TOPBP1: variants seen among roughly 807,000 people sequenced by gnomAD.
TOPBP1 encodes DNA topoisomerase 2-binding protein 1.
A neutral mutation model predicts 167.7 loss-of-function variants in TOPBP1; 28 were observed. That is an observed-to-expected ratio of 0.17 (90% CI 0.12 to 0.23). The LOEUF (loss-of-function observed/expected upper bound fraction) is 0.23. TOPBP1 is among the 10% of genes least tolerant of loss of function. The pLI is 1.00. For missense variants in TOPBP1, 1,554 were observed against 1,809.6 expected (o/e 0.86, Z 2.56); for synonymous variants, 598 against 611.4 (o/e 0.98, Z 0.32).
At position 133,656,154 on chromosome 3, in the gene TOPBP1, T is replaced by C. The variant is rs367911221; in HGVS notation, c.545+522A>G. ...AGCTCCATGAGGGAAGTGACTATCTTGTTTTGCTTACTACATATACCTAAT... is the reference window on the plus strand; with the variant it reads ...AGCTCCATGAGGGAAGTGACTATCTCGTTTTGCTTACTACATATACCTAAT... On this transcript the variant is annotated intron_variant, in intron 5 of 27. Transcript: ENST00000260810. 2.6e-5 allele frequency among the ~76,000 whole-genome samples: 4 copies of C among 151,676 alleles called. No homozygotes were observed. In the East Asian group the frequency reaches 7.7e-4, roughly 29 times the overall value.
At chr3:133,615,347 C>T (rs1353347976) in intron 23 of TOPBP1, among the ~76,000 whole-genome samples, 4 of 152,070 alleles carry the variant, frequency 2.6e-5, no homozygotes, top group Non-Finnish European at 4.4e-5. Flanking sequence ...CGTGGTGGCG[C>T]ACACCTGTAA....
At chr3:133,637,821 T>A in intron 14 of TOPBP1, 55 bp downstream of exon 14, 2 of 1,571,960 alleles carry the variant, frequency 1.3e-6, no homozygotes, top group Non-Finnish European at 8.6e-7. Flanking sequence ...TTTGGTGCTT[T>A]AACTTTATAA....
chr3:133,650,948 A>G (rs956914649), intron 8 of TOPBP1, among the ~76,000 whole-genome samples: 3 of 151,848 alleles, frequency 2.0e-5, no homozygotes, highest in Admixed American at 6.6e-5. Flanking sequence ...CACCTCTACT[A>G]AAAATAGAAA....
At position 133,628,736 on chromosome 3, in the gene TOPBP1, A is replaced by AGC; in HGVS notation, c.2521-4_2521-3insGC. On this transcript the variant is annotated splice_polypyrimidine_tract_variant and splice_region_variant and intron_variant, in intron 14 of 27. Transcript: ENST00000260810. ...GTTTCCAAGGCTGCAAGTGCATCCT[A>AGC]TACATATGAAGGAGAGAGAGAGATG... is the stretch of plus-strand genomic sequence containing the variant. The AGC allele has an allele frequency of 6.4e-7, 1 of 1,551,628 alleles. No individual in the cohort carries two copies.
At chr3:133,639,089 G>C in intron 13 of TOPBP1, among the ~76,000 whole-genome samples, 1 of 152,108 alleles carries the variant, frequency 6.6e-6, no homozygotes, top group East Asian at 1.9e-4. Flanking sequence ...AATACCATTT[G>C]ACCCAGCGAT....
chr3:133,650,383 T>A, intron 8 of TOPBP1, among the ~76,000 whole-genome samples: 1 of 137,188 alleles, frequency 7.3e-6, no homozygotes, highest in African/African-American at 2.6e-5. Context: ...GGGGGAGGGG[T>A]TGTTTTTTCC....
At chr3:133,648,020 G>C (rs1936140213) in intron 10 of TOPBP1, among the ~76,000 whole-genome samples, 1 of 152,180 alleles carries the variant, frequency 6.6e-6, no homozygotes, top group Non-Finnish European at 1.5e-5. Context: ...AGAAGGCACA[G>C]TGAATCTCAA....
chr3:133,661,203 C>T (rs1473278249), intron 1 of TOPBP1, 69 bp from the exon 2 acceptor site: 1 of 1,212,096 alleles, frequency 8.3e-7, no homozygotes, highest in South Asian at 1.6e-5. Context: ...GTTTAACCTA[C>T]CTATTTTTCT....
chr3:133,628,358 C>T lies in TOPBP1; in HGVS notation c.2804+4G>A. 6.3e-7 allele frequency: 1 copy of T among 1,589,458 alleles called. No individual in the cohort carries two copies. Among genetic ancestry groups the T allele is most frequent in the South Asian group, 1.1e-5 (1 of 87,300 alleles). ...ACCATGAAACAGAAAGATGTGCCAA[C>T]TACCTGTAATCTGCTCCTAGAGAGG... On this transcript the variant is annotated splice_donor_region_variant and intron_variant, in intron 16 of 27. Transcript: ENST00000260810.
At chr3:133,649,715 G>A (rs574258269) in intron 9 of TOPBP1, 65 bp downstream of exon 9, 22 of 1,584,168 alleles carry the variant, frequency 1.4e-5, no homozygotes, top group East Asian at 2.2e-5. Flanking sequence ...CCAGAACTGC[G>A]TGGATATGCA....
Position 133,649,279 on chromosome 3 carries a change from A to T in TOPBP1, c.1504+104T>A, listed in dbSNP as rs550666764. On this transcript the variant is annotated intron_variant, in intron 10 of 27. Coordinates refer to ENST00000260810, the MANE Select transcript of TOPBP1 (RefSeq NM_007027.4). ...AAAATTTTAAGGAAAGAAAAAGGTT[A>T]ATTTAACTTAAAATCTAGAAAACTT... 58 of 1,400,534 alleles carry T rather than the reference A, an allele frequency of 4.1e-5. No individual in the cohort carries two copies. The East Asian group carries it at 1.3e-3, about 32-fold the overall frequency. The allele number at this position is 1,400,534 out of a possible 1,614,324, so 86.8% of individuals were successfully genotyped here.
At chr3:133,659,259 A>G in intron 2 of TOPBP1, 109 bp from the exon 3 acceptor site, 1 of 1,152,854 alleles carries the variant, frequency 8.7e-7, no homozygotes, top group Middle Eastern at 3.0e-4. Context: ...AGCCACCATC[A>G]CATCTCACTT....
At chr3:133,643,969 G>T in intron 11 of TOPBP1, 51 bp downstream of exon 11, 1 of 1,474,308 alleles carries the variant, frequency 6.8e-7, no homozygotes, top group Non-Finnish European at 9.2e-7. Context: ...TAACCTTCTT[G>T]GCATTCAGAT....
chr3:133,639,939 A>G lies in TOPBP1; in HGVS notation c.2233+20T>C. The G allele has an allele frequency of 6.2e-7, 1 of 1,607,354 alleles. No individual in the cohort carries two copies. The highest frequency in any genetic ancestry group is 8.5e-7 in the Non-Finnish European group (1 of 1,175,582). The stretch of plus-strand genomic sequence containing the variant: ...ATCTAGTTGTAAATATATATAAAAG[A>G]ACAGAATAAAAGTATTAACCTTCTT... On this transcript the variant is annotated intron_variant, in intron 13 of 27. Coordinates refer to ENST00000260810, the MANE Select transcript of TOPBP1 (RefSeq NM_007027.4).
At chr3:133,608,430 A>C in intron 27 of TOPBP1, 105 bp downstream of exon 27, 1 of 1,256,518 alleles carries the variant, frequency 8.0e-7, no homozygotes, top group Non-Finnish European at 1.1e-6. Context: ...ACAGGAGACT[A>C]ATCTTCTACT....
In TOPBP1 at chr3:133,652,444, TTA is replaced by T. The variant is rs1278472232; in HGVS notation, c.1089+17_1089+18del. 1.9e-6 allele frequency: 3 copies of T among 1,610,256 alleles called. No individual in the cohort carries two copies. In the Admixed American group the frequency reaches 5.0e-5, roughly 27 times the overall value. ...TAATGTATATCATCTACTGCATGTA[TTA>T]TATAATAAAGACGTACCCGACAACC... On this transcript the variant is annotated intron_variant, in intron 8 of 27. Coordinates refer to ENST00000260810, the MANE Select transcript of TOPBP1 (RefSeq NM_007027.4).
chr3:133,632,195 A>C (rs1423000508), intron 14 of TOPBP1, among the ~76,000 whole-genome samples: 1 of 151,832 alleles, frequency 6.6e-6, no homozygotes, highest in Non-Finnish European at 1.5e-5. Context: ...ACTTGAGGTC[A>C]GGAGTTTGAG....
At chr3:133,629,529 C>T (rs34664124) in intron 14 of TOPBP1, among the ~76,000 whole-genome samples, 3,160 of 152,014 alleles carry the variant, frequency 0.021, 58 homozygotes, top group African/African-American at 0.044. Context: ...AGTTTTGAGA[C>T]GAGTCTGGGA....
chr3:133,650,371 C>CG (rs575158219), intron 8 of TOPBP1, among the ~76,000 whole-genome samples: 1 of 67,602 alleles, frequency 1.5e-5, no homozygotes, highest in Non-Finnish European at 3.0e-5. Context: ...GTGTGGGGGG[C>CG]GGGGGGAGGG....
Sources: allele counts gnomAD v4.1 joint callset (sites outside exome capture counted in the v4.1 genomes callset), GRCh38; gene constraint gnomAD v4.1.1; transcripts MANE v1.5; gene names NCBI Gene and HGNC (gene_info 2026-07-23, HGNC 2026-07-21).